Variants in METAP2 observed in about 807,000 individuals in gnomAD.
The protein encoded by METAP2 is methionyl aminopeptidase 2.
Under a neutral mutation model 59.4 loss-of-function variants are expected in METAP2, and 25 were observed. That is an observed-to-expected ratio of 0.42 (90% CI 0.31 to 0.59). The LOEUF is 0.59. Among genes scored for constraint, METAP2 ranks in the 20% least tolerant of loss-of-function variants. METAP2 has a pLI of 0.16. For missense variants in METAP2, 366 were observed against 581.2 expected, an observed-to-expected ratio of 0.63 and a Z score of 3.81; for synonymous variants, 214 against 194.1, an observed-to-expected ratio of 1.10 and a Z score of -0.85.
chr12:95,504,161 G>C lies in METAP2; in HGVS notation c.964G>C (p.Val322Leu). The C allele has an allele frequency of 6.3e-7, 1 of 1,576,732 alleles. No homozygotes were observed. The highest frequency in any genetic ancestry group is 8.7e-7 in the Non-Finnish European group (1 of 1,150,486). Reference protein sequence around the residue: ...EVEIDGKTYQVKPIRNLNGHS... With the variant: ...EVEIDGKTYQLKPIRNLNGHS... The stretch of plus-strand genomic sequence containing the variant: ...TGAAATAGATGGGAAGACATATCAA[G>C]GTATGTTCTTTTAAAATATATCTTA... The change falls in exon 8 of 11, where the codon GTG (valine) becomes CTG (leucine). Residue 322 changes from valine (V) to leucine (L), a missense_variant and splice_region_variant. Coordinates refer to ENST00000323666, the MANE Select transcript of METAP2 (RefSeq NM_006838.4).
chr12:95,494,060 A>G lies in METAP2; in HGVS notation c.433A>G (p.Thr145Ala), dbSNP rs776632195. 2.5e-6 allele frequency: 4 copies of G among 1,612,636 alleles called. No individual in the cohort carries two copies. In the South Asian group the frequency reaches 3.3e-5, roughly 13 times the overall value. ...TATTCTATGCCCACTCTAAAGGCGAACAGCTGCTTGGAGAACTACAAGTGA... is the reference window on the plus strand; with the variant it reads ...TATTCTATGCCCACTCTAAAGGCGAGCAGCTGCTTGGAGAACTACAAGTGA... ...CEYPPTQDGR[T>A]AAWRTTSEEK... Residue 145 changes from threonine to alanine, a missense_variant, in exon 5 of 11, where the codon ACA becomes GCA. By Grantham distance (58) the Thr-to-Ala change is moderately conservative (BLOSUM62 0). Around this residue, in one of 4 missense-constraint regions of METAP2, gnomAD observed 177 missense variants for 180.3 expected, o/e 0.98. Coordinates refer to ENST00000323666, the MANE Select transcript of METAP2 (RefSeq NM_006838.4).
chr12:95,512,935 G>T lies in METAP2; in HGVS notation c.1184+19G>T. ...CAATAAGGTGAGAGACGAGACGATT[G>T]ATTTTATGTGGCTAATTAGCATCTC... On this transcript the variant is annotated intron_variant, in intron 10 of 10. Coordinates refer to ENST00000323666, the MANE Select transcript of METAP2 (RefSeq NM_006838.4). 1 of 1,398,678 alleles carries T rather than the reference G, an allele frequency of 7.1e-7. No homozygotes were observed. The highest frequency in any genetic ancestry group is 1.2e-5 in the South Asian group (1 of 84,784). 86.6% of individuals were successfully genotyped at this position (1,398,678 alleles called of 1,614,324 possible).
intron 8 of METAP2, among the ~76,000 whole-genome samples, chr12:95,509,822 A>AT: frequency 7.0e-6 from 1 of 142,452 alleles, no homozygotes; most frequent in Non-Finnish European, 1.6e-5. Context: ...ATAGAGTTAA[A>AT]TTTTTTTAAG....
At chr12:95,490,159 C>T (rs1038571975) in intron 4 of METAP2, among the ~76,000 whole-genome samples, 5 of 150,066 alleles carry the variant, frequency 3.3e-5, no homozygotes, top group South Asian at 2.1e-4. Context: ...TGGAATACAG[C>T]GGTGTGATCA....
chr12:95,494,331 T>A lies in METAP2; in HGVS notation c.590+114T>A, dbSNP rs2076262005. 4 of 1,011,386 alleles carry A rather than the reference T, an allele frequency of 4.0e-6. No individual in the cohort carries two copies. In the South Asian group the frequency reaches 7.0e-5, roughly 18 times the overall value. The allele number at this position is 1,011,386 out of a possible 1,614,324, so 62.7% of individuals were successfully genotyped here. A position where few individuals can be genotyped will look rare whatever the true frequency, so the allele number is the denominator to read the frequency against. On this transcript the variant is annotated intron_variant, in intron 5 of 10. Transcript: ENST00000323666. The stretch of plus-strand genomic sequence containing the variant: ...ACTTTGCTAAATCTTTAAGTAAAGG[T>A]TGTAGAAATGCCTTCTAGATTATTT...
intron 8 of METAP2, among the ~76,000 whole-genome samples, chr12:95,506,489 C>T (rs1199282552): frequency 6.6e-6 from 1 of 151,622 alleles, no homozygotes; most frequent in Non-Finnish European, 1.5e-5. Context: ...TTAGTAGAGA[C>T]GGGGTTTCAC....
At chr12:95,491,481 A>C (rs575446388) in intron 4 of METAP2, among the ~76,000 whole-genome samples, 1 of 152,242 alleles carries the variant, frequency 6.6e-6, no homozygotes, top group South Asian at 2.1e-4. Flanking sequence ...TAGAGGAAGG[A>C]TTTTATGTGA....
At chr12:95,492,393 T>A (rs562746271) in intron 4 of METAP2, among the ~76,000 whole-genome samples, 44 of 152,180 alleles carry the variant, frequency 2.9e-4, no homozygotes, top group Non-Finnish European at 5.4e-4. Flanking sequence ...AGGCAGATTT[T>A]AAAAAAATTT....
Position 95,504,065 on chromosome 12 carries a change from T to G in METAP2, c.868T>G (p.Cys290Gly). 2 of 1,609,148 alleles carry G rather than the reference T, an allele frequency of 1.2e-6. No homozygotes were observed. The highest frequency in any genetic ancestry group is 1.7e-6 in the Non-Finnish European group (2 of 1,178,148). The change falls in exon 8 of 11, where the codon TGT becomes GGT. Residue 290 changes from cysteine to glycine, a missense_variant and splice_region_variant. Cys to Gly is a radical substitution (Grantham distance 159). Transcript: ENST00000323666. ...VKDATNTGIK[C>G]AGIDVRLCDV... ...AAAGCATATGTTACTCTTTTTTTAGTGTGCTGGAATTGATGTTCGTCTGTG... is the reference window on the plus strand; with the variant it reads ...AAAGCATATGTTACTCTTTTTTTAGGGTGCTGGAATTGATGTTCGTCTGTG...
At chr12:95,476,201 G>T (rs762264576) in intron 2 of METAP2, 23 bp downstream of exon 2, 1 of 1,511,866 alleles carries the variant, frequency 6.6e-7, no homozygotes, top group Non-Finnish European at 9.1e-7. Flanking sequence ...TTTGATCTTT[G>T]TGGTTAGAAA....
At chr12:95,488,833 A>G (rs1213983131) in intron 4 of METAP2, among the ~76,000 whole-genome samples, 1 of 151,896 alleles carries the variant, frequency 6.6e-6, no homozygotes, top group Non-Finnish European at 1.5e-5. Flanking sequence ...TGATATCCCA[A>G]ACAGTTCTTT....
chr12:95,479,664 A>G (rs539108261), intron 2 of METAP2, among the ~76,000 whole-genome samples: 3 of 149,952 alleles, frequency 2.0e-5, no homozygotes, highest in African/African-American at 7.4e-5. Flanking sequence ...GCTGCAGTGC[A>G]GTGGCACGAT....
chr12:95,512,054 G>C, intron 9 of METAP2, 56 bp downstream of exon 9: 1 of 1,236,294 alleles, frequency 8.1e-7, no homozygotes, highest in Non-Finnish European at 1.2e-6. Context: ...CTTCCAAGCA[G>C]AAGGTCATGG....
Position 95,474,185 on chromosome 12 carries a change from G to T in METAP2, c.6G>T (p.Ala2=). The T allele has an allele frequency of 6.2e-7, 1 of 1,613,682 alleles. No homozygotes were observed. Among genetic ancestry groups the T allele is most frequent in the South Asian group, 1.1e-5 (1 of 91,060 alleles). The change falls in exon 1 of 11, where the codon GCG becomes GCT. Residue 2 remains alanine, a synonymous_variant. Coordinates refer to ENST00000323666, the MANE Select transcript of METAP2 (RefSeq NM_006838.4). M[A]GVEEVAASGS... ...CTCGCGCTCTCTCGGGCAACATGGCGGGTGTGGAGGAGGTAGCGGCCTCCG... is the reference window on the plus strand; with the variant it reads ...CTCGCGCTCTCTCGGGCAACATGGCTGGTGTGGAGGAGGTAGCGGCCTCCG...
At position 95,514,807 on chromosome 12, in the gene METAP2, T is replaced by G. The variant is rs1361645864; in HGVS notation, c.*903T>G. 1 of 152,156 alleles carries G rather than the reference T, an allele frequency of 6.6e-6. No individual in the cohort carries two copies. Among genetic ancestry groups the G allele is most frequent in the East Asian group, 1.9e-4 (1 of 5,198 alleles). The allele number at this position is 152,156 out of a possible 1,614,324, so 9.4% of individuals were successfully genotyped here. ...TTCCCATGTTTGGATCTTGTTCTAG[T>G]TAGAAAAATTAAGTTGAAATTCTTG... On this transcript the variant is annotated 3_prime_UTR_variant, in exon 11 of 11. Coordinates refer to ENST00000323666, the MANE Select transcript of METAP2 (RefSeq NM_006838.4).
chr12:95,493,318 A>G (rs1443062245), intron 4 of METAP2, among the ~76,000 whole-genome samples: 1 of 152,156 alleles, frequency 6.6e-6, no homozygotes, highest in Admixed American at 6.6e-5. Context: ...TCTTTAAAGA[A>G]AAAGTTTTTA....
chr12:95,474,176 C>T lies in METAP2; in HGVS notation c.-4C>T, dbSNP rs770009555. On this transcript the variant is annotated 5_prime_UTR_variant, in exon 1 of 11. Transcript: ENST00000323666. Reference sequence around the variant, plus strand: ...TCTCATTCCCTCGCGCTCTCTCGGGCAACATGGCGGGTGTGGAGGAGGTAG... The same window carrying T: ...TCTCATTCCCTCGCGCTCTCTCGGGTAACATGGCGGGTGTGGAGGAGGTAG... 5 of 1,613,552 alleles carry T rather than the reference C, an allele frequency of 3.1e-6. No individual in the cohort carries two copies. The South Asian group carries it at 3.3e-5, about 11-fold the overall frequency.
chr12:95,499,560 C>T (rs187440663), intron 7 of METAP2, among the ~76,000 whole-genome samples: 65 of 144,682 alleles, frequency 4.5e-4, no homozygotes, highest in East Asian at 2.0e-3. Flanking sequence ...GGATTCCATA[C>T]GAATTTAGGA....
chr12:95,491,522 T>C lies in METAP2; in HGVS notation c.429-2534T>C, dbSNP rs76016489. On this transcript the variant is annotated intron_variant, in intron 4 of 10. Transcript: ENST00000323666. ...GCATACATTTTAATTGTTATTATTA[T>C]GTTTTTGAGACAGGGCCTCATTCTG... Among the ~76,000 whole-genome samples, 1,396 of 152,330 alleles carry C rather than the reference T, an allele frequency of 9.2e-3. 28 individuals carry two copies. The highest frequency in any genetic ancestry group is 0.032 in the African/African-American group (1,337 of 41,578).
Sources: gnomAD v4.1 joint callset for allele counts (sites outside exome capture counted in the v4.1 genomes callset) on GRCh38, gnomAD v4.1.1 for gene constraint, gnomAD v4.1.1 regional missense constraint, MANE v1.5 for transcripts, NCBI Gene and HGNC (gene_info 2026-07-23, HGNC 2026-07-21) for gene names.